AGA: variants seen among roughly 807,000 people sequenced by gnomAD.
The protein encoded by AGA is N(4)-(beta-N-acetylglucosaminyl)-L-asparaginase.
In AGA, 31 loss-of-function variants were observed where a neutral mutation model predicts 40.1. That is an observed-to-expected ratio of 0.77 (90% CI 0.58 to 1.04). The LOEUF (loss-of-function observed/expected upper bound fraction) is 1.04, where lower values mean the gene tolerates loss of function less well. Ranked by LOEUF, AGA falls within the 50% of genes least tolerant of loss-of-function variation. The probability of loss-of-function intolerance (pLI) is 0.00; values close to 1 mark genes in which losing one functional copy is unlikely to be tolerated. For synonymous variants in AGA, 148 were observed against 144.0 expected (o/e 1.03, Z -0.20); for missense variants, 445 against 435.4 (o/e 1.02, Z -0.20).
At chr4:177,432,437 T>C (rs1257232562) in intron 8 of AGA, among the ~76,000 whole-genome samples, 1 of 152,214 alleles carries the variant, frequency 6.6e-6, no homozygotes, top group Non-Finnish European at 1.5e-5. Context: ...AGGGAATCAA[T>C]AGAACTGCCT....
In AGA at chr4:177,431,670, T is replaced by A. The variant is rs749190185; in HGVS notation, c.*38A>T. On this transcript the variant is annotated 3_prime_UTR_variant, in exon 9 of 9. Coordinates refer to ENST00000264595, the MANE Select transcript of AGA (RefSeq NM_000027.4). ...GAGCAGCCTTTTCAGCCTTTGTTTC[T>A]TTCTTCTTTAAATACAGATGTTGAC... 1.3e-6 allele frequency: 2 copies of A among 1,543,124 alleles called. No individual in the cohort carries two copies. The highest frequency in any genetic ancestry group is 2.2e-5 in the East Asian group (1 of 44,478).
intron 5 of AGA, chr4:177,437,065 CA>C: frequency 3.3e-6 from 1 of 304,814 alleles, no homozygotes; most frequent in Non-Finnish European, 6.3e-6. Context: ...CAGCGAAAAA[CA>C]AACTAAGACA....
At position 177,442,348 on chromosome 4, in the gene AGA, G is replaced by A. The variant is rs753394137; in HGVS notation, c.28C>T (p.Leu10Phe). The A allele has an allele frequency of 8.7e-6, 14 of 1,614,132 alleles. No homozygotes were observed. The highest frequency in any genetic ancestry group is 1.2e-5 in the Non-Finnish European group (14 of 1,179,958). The part of the protein sequence containing the change: MARKSNLPV[L>F]LVPFLLCQAL... ...TGGCAGAGCAGAAACGGCACGAGAA[G>A]CACAGGCAAGTTCGACTTCCGCGCC... Residue 10 changes from leucine (L) to phenylalanine (F), a missense_variant, in exon 1 of 9, where the codon CTT becomes TTT. Transcript: ENST00000264595.
At chr4:177,434,350 G>T (rs570247532) in intron 7 of AGA, 32 bp downstream of exon 7, 5 of 1,575,792 alleles carry the variant, frequency 3.2e-6, no homozygotes, top group Admixed American at 3.3e-5. Context: ...TTCTCCAAAG[G>T]TCTCTAAAAT....
Position 177,431,726 on chromosome 4 carries a change from T to G in AGA, c.1023A>C (p.Glu341Asp). ...YNSEKNQPTE[E>D]KVDCI The stretch of plus-strand genomic sequence containing the variant: ...AGATGGATTAGATGCAGTCCACTTT[T>G]TCCTCAGTTGGCTGATTTTTTTCGG... The change falls in exon 9 of 9, where the codon GAA (glutamate) becomes GAC (aspartate). Residue 341 changes from glutamate (E) to aspartate (D), a missense_variant. Transcript: ENST00000264595. 6.2e-7 allele frequency: 1 copy of G among 1,612,488 alleles called. No homozygotes were observed. The highest frequency in any genetic ancestry group is 8.5e-7 in the Non-Finnish European group (1 of 1,178,526).
At chr4:177,441,101 ATTTCT>A (rs1332524054) in intron 1 of AGA, among the ~76,000 whole-genome samples, 1 of 152,100 alleles carries the variant, frequency 6.6e-6, no homozygotes, top group African/African-American at 2.4e-5. Flanking sequence ...TTGATGGACA[ATTTCT>A]TTTCTGGTAA....
At chr4:177,441,050 G>A (rs905476399) in intron 1 of AGA, among the ~76,000 whole-genome samples, 19 of 152,270 alleles carry the variant, frequency 1.2e-4, no homozygotes, top group African/African-American at 4.6e-4. Flanking sequence ...AAGTAGCAGA[G>A]CCAGGATCCC....
At chr4:177,438,919 A>G (rs1736905924) in intron 3 of AGA, 62 bp from the exon 4 acceptor site, 1 of 989,572 alleles carries the variant, frequency 1.0e-6, no homozygotes, top group Non-Finnish European at 1.6e-6. Context: ...ACAAAAATAT[A>G]TGTACTAGAG....
chr4:177,434,614 G>A (rs1044048856), intron 6 of AGA, 125 bp from the exon 7 acceptor site: 11 of 782,312 alleles, frequency 1.4e-5, no homozygotes, highest in East Asian at 5.2e-5. Context: ...ATTCTTCATC[G>A]GAACAAAGAC....
chr4:177,431,321 T>A lies in AGA; in HGVS notation c.*387A>T. The stretch of plus-strand genomic sequence containing the variant: ...TCATGCTGAGACTCTGCTGTTTTTT[T>A]CTTTGGGTCTAAAAAACTTGTATAC... On this transcript the variant is annotated 3_prime_UTR_variant, in exon 9 of 9. Transcript: ENST00000264595. 2.2e-6 allele frequency: 1 copy of A among 448,788 alleles called. No homozygotes were observed. Among genetic ancestry groups the A allele is most frequent in the South Asian group, 1.6e-5 (1 of 62,350 alleles). The allele number at this position is 448,788 out of a possible 1,614,324, so 27.8% of individuals were successfully genotyped here. A position where few individuals can be genotyped will look rare whatever the true frequency, so the allele number is the denominator to read the frequency against.
At chr4:177,433,976 A>C (rs1736711778) in intron 7 of AGA, among the ~76,000 whole-genome samples, 1 of 152,038 alleles carries the variant, frequency 6.6e-6, no homozygotes, top group Admixed American at 6.6e-5. Context: ...AGGTTACACA[A>C]TACAAAAATT....
At chr4:177,442,179 G>T in intron 1 of AGA, 70 bp downstream of exon 1, 2 of 1,596,092 alleles carry the variant, frequency 1.3e-6, no homozygotes, top group Non-Finnish European at 1.7e-6. Flanking sequence ...TGACTGCAGC[G>T]GGGCGGGCTA....
intron 6 of AGA, 139 bp downstream of exon 6, chr4:177,436,137 A>T: frequency 1.3e-6 from 1 of 745,708 alleles, no homozygotes; most frequent in South Asian, 1.5e-5. Context: ...CACTCAGCAG[A>T]GAGTACTGCA....
chr4:177,433,219 C>G lies in AGA; in HGVS notation c.935G>C (p.Ser312Thr). The change falls in exon 8 of 9, where the codon AGT becomes ACT. Residue 312 changes from serine to threonine, a missense_variant. By Grantham distance (58) the Ser-to-Thr change is moderately conservative. Transcript: ENST00000264595. ...GAVICANVTG[S>T]YGAACNKLST... ...AAAATCCAAACACAACTTACCGTAA[C>G]TTCCAGTCACATTGGCACATATAAC... The G allele has an allele frequency of 6.2e-7, 1 of 1,614,058 alleles. No individual in the cohort carries two copies. Among genetic ancestry groups the G allele is most frequent in the Non-Finnish European group, 8.5e-7 (1 of 1,179,974 alleles).
intron 7 of AGA, 129 bp from the exon 8 acceptor site, chr4:177,433,476 G>A (rs1736694293): frequency 2.8e-6 from 3 of 1,066,968 alleles, no homozygotes; most frequent in African/African-American, 3.1e-5. Flanking sequence ...ATGAACAAGA[G>A]TCGGTTACTT....
chr4:177,442,211 T>G, intron 1 of AGA, 38 bp downstream of exon 1: 1 of 1,610,952 alleles, frequency 6.2e-7, no homozygotes. Context: ...CCGCAAGCTC[T>G]CGCGGCGCAG....
At chr4:177,441,025 G>C (rs1014214673) in intron 1 of AGA, among the ~76,000 whole-genome samples, 1 of 152,112 alleles carries the variant, frequency 6.6e-6, no homozygotes, top group Non-Finnish European at 1.5e-5. Context: ...GTTAGTTTAA[G>C]GTCACACAGC....
Position 177,440,264 on chromosome 4 carries a change from TG to T in AGA, c.281+8del. 1 of 1,613,796 alleles carries T rather than the reference TG, an allele frequency of 6.2e-7. No homozygotes were observed. Among genetic ancestry groups the T allele is most frequent in the Middle Eastern group, 1.6e-4 (1 of 6,062 alleles). ...AACATAATAAATAGGACCTGAACGG[TG>T]TTCTTACCCATCCATGATCATGGCA... On this transcript the variant is annotated splice_region_variant and intron_variant, in intron 2 of 8. Coordinates refer to ENST00000264595, the MANE Select transcript of AGA (RefSeq NM_000027.4).
In AGA at chr4:177,431,797, T is replaced by G. The variant is rs1736644637; in HGVS notation, c.952A>C (p.Asn318His). 8 of 1,613,864 alleles carry G rather than the reference T, an allele frequency of 5.0e-6. No homozygotes were observed. The highest frequency in any genetic ancestry group is 6.8e-6 in the Non-Finnish European group (8 of 1,179,800). ...AACTGAGTAAATGTTGAAAGTTTATTGCAAGCAGCACCTGGGGCCAAAAAT... is the reference window on the plus strand; with the variant it reads ...AACTGAGTAAATGTTGAAAGTTTATGGCAAGCAGCACCTGGGGCCAAAAAT... Reference protein sequence around the residue: ...NVTGSYGAACNKLSTFTQFSF... With the variant: ...NVTGSYGAACHKLSTFTQFSF... The change falls in exon 9 of 9, where the codon AAT becomes CAT. Residue 318 changes from asparagine (N) to histidine (H), a missense_variant. Physicochemically the swap from Asn to His is moderately conservative, Grantham distance 68 (BLOSUM62 1). Transcript: ENST00000264595.
Sources: allele counts gnomAD v4.1 joint callset (sites outside exome capture counted in the v4.1 genomes callset), GRCh38; gene constraint gnomAD v4.1.1; transcripts MANE v1.5; gene names NCBI Gene and HGNC (gene_info 2026-07-23, HGNC 2026-07-21).